The following ZNF407 variants were observed in gnomAD, a reference collection of about 807,000 sequenced individuals.
The protein encoded by ZNF407 is zinc finger protein 407.
In ZNF407, 17 loss-of-function variants were observed where a neutral mutation model predicts 131.2. The observed-to-expected ratio is 0.13, with a 90% CI of 0.09 to 0.19. The LOEUF (loss-of-function observed/expected upper bound fraction) is 0.19. Ranked by LOEUF, ZNF407 falls within the 10% of genes least tolerant of loss-of-function variation. The probability of loss-of-function intolerance (pLI) is 1.00; values close to 1 mark genes in which losing one functional copy is unlikely to be tolerated. For synonymous variants in ZNF407, 1,156 were observed against 1,062.0 expected (o/e 1.09, Z -1.72); for missense variants, 2,681 against 2,830.6 (o/e 0.95, Z 1.20).
Position 74,633,973 on chromosome 18 carries a change from T to A in ZNF407, c.2954T>A (p.Leu985His). 1 of 1,614,062 alleles carries A rather than the reference T, an allele frequency of 6.2e-7. No individual in the cohort carries two copies. Among genetic ancestry groups the A allele is most frequent in the Non-Finnish European group, 8.5e-7 (1 of 1,179,906 alleles). Residue 985 changes from leucine to histidine, a missense_variant, in exon 2 of 9, where the codon CTT becomes CAT. Leu to His is a moderately conservative substitution (Grantham distance 99). Coordinates refer to ENST00000299687, the MANE Select transcript of ZNF407 (RefSeq NM_017757.3). ...HSLDGEVNSH[L>H]LDKKEQISSE... ...CTAGATGGAGAAGTTAACAGCCATC[T>A]TCTTGATAAAAAGGAGCAAATATCT...
At chr18:74,984,263 G>C (rs1972626697) in intron 8 of ZNF407, among the ~76,000 whole-genome samples, 1 of 152,064 alleles carries the variant, frequency 6.6e-6, no homozygotes, top group Non-Finnish European at 1.5e-5. Context: ...GGTGAGTGCT[G>C]CAAATGTTCC....
intron 3 of ZNF407, among the ~76,000 whole-genome samples, chr18:74,676,659 C>T (rs962413428): frequency 2.0e-5 from 3 of 152,018 alleles, no homozygotes; most frequent in Admixed American, 6.5e-5. Context: ...TGGTCTCGAT[C>T]TCCTGACCTC....
chr18:75,039,658 C>T lies in ZNF407; in HGVS notation c.5429-23492C>T, dbSNP rs182467827. On this transcript the variant is annotated intron_variant, in intron 8 of 8. Transcript: ENST00000299687. ...TGTTTTTTTAAATATCTTATGAATACTTGAAAGTTTTGAGTTTTGCAGATT... is the reference window on the plus strand; with the variant it reads ...TGTTTTTTTAAATATCTTATGAATATTTGAAAGTTTTGAGTTTTGCAGATT... Among the ~76,000 whole-genome samples, 9 of 145,110 alleles carry T rather than the reference C, an allele frequency of 6.2e-5. No individual in the cohort carries two copies. The East Asian group carries it at 1.9e-3, about 30-fold the overall frequency.
At chr18:75,035,617 T>C (rs1973299347) in intron 8 of ZNF407, among the ~76,000 whole-genome samples, 1 of 152,216 alleles carries the variant, frequency 6.6e-6, no homozygotes, top group Admixed American at 6.5e-5. Flanking sequence ...GAATAATGTT[T>C]TTAAAGGTGA....
At position 74,857,141 on chromosome 18, in the gene ZNF407, G is replaced by A. The variant is rs1406301094; in HGVS notation, c.4878-20056G>A. 2.0e-5 allele frequency among the ~76,000 whole-genome samples: 3 copies of A among 152,164 alleles called. No individual in the cohort carries two copies. In the East Asian group the frequency reaches 5.8e-4, roughly 29 times the overall value. The stretch of plus-strand genomic sequence containing the variant: ...TGTAATAAGAGTATTAAAGACAGAT[G>A]GGCAAGGCCGATTTAAACCAATTAC... On this transcript the variant is annotated intron_variant, in intron 4 of 8. Coordinates refer to ENST00000299687, the MANE Select transcript of ZNF407 (RefSeq NM_017757.3).
chr18:74,739,130 A>G (rs1364605544), intron 3 of ZNF407, among the ~76,000 whole-genome samples: 1 of 151,732 alleles, frequency 6.6e-6, no homozygotes, highest in East Asian at 1.9e-4. Flanking sequence ...TTATCTCCCT[A>G]AAGATGTGGT....
chr18:75,021,265 CT>C (rs1311845493), intron 8 of ZNF407, among the ~76,000 whole-genome samples: 7 of 145,628 alleles, frequency 4.8e-5, no homozygotes, highest in South Asian at 2.2e-4. Context: ...ATTATACATT[CT>C]TTTTAAAAAA....
intron 1 of ZNF407, among the ~76,000 whole-genome samples, chr18:74,627,800 CTCTTTCTCTCTTT>C (rs1983856261): frequency 2.0e-5 from 3 of 148,434 alleles, no homozygotes; most frequent in Non-Finnish European, 4.5e-5. Flanking sequence ...CTCTCTTTCT[CTCTTTCTCTCTTT>C]CTGCCCTGCC....
intron 4 of ZNF407, among the ~76,000 whole-genome samples, chr18:74,782,028 T>C (rs1485773755): frequency 6.6e-6 from 1 of 152,200 alleles, no homozygotes; most frequent in Non-Finnish European, 1.5e-5. Context: ...TTCTTGCTTC[T>C]GTATCATAAT....
intron 8 of ZNF407, among the ~76,000 whole-genome samples, chr18:74,995,094 C>T (rs1972764805): frequency 6.6e-6 from 1 of 152,200 alleles, no homozygotes; most frequent in South Asian, 2.1e-4. Context: ...CCTGAAATGA[C>T]TCACATCCTG....
chr18:74,639,084 T>G (rs1301714882), intron 2 of ZNF407, among the ~76,000 whole-genome samples: 1 of 152,192 alleles, frequency 6.6e-6, no homozygotes, highest in African/African-American at 2.4e-5. Context: ...TTATGTATTG[T>G]CAGCATGCTG....
chr18:74,695,932 G>A (rs1967344301), intron 3 of ZNF407, among the ~76,000 whole-genome samples: 1 of 152,310 alleles, frequency 6.6e-6, no homozygotes, highest in East Asian at 1.9e-4. Flanking sequence ...TAAGTTGATG[G>A]AAAGATGGTC....
intron 4 of ZNF407, among the ~76,000 whole-genome samples, chr18:74,834,828 C>G (rs1453537639): frequency 6.6e-6 from 1 of 152,210 alleles, no homozygotes; most frequent in Non-Finnish European, 1.5e-5. Context: ...GCTGCCTTTA[C>G]ACTGTTAGAT....
chr18:74,677,535 T>C (rs1986443157), intron 3 of ZNF407, among the ~76,000 whole-genome samples: 1 of 152,172 alleles, frequency 6.6e-6, no homozygotes, highest in African/African-American at 2.4e-5. Context: ...ATTTTCTTTT[T>C]TTTTCCCCTC....
intron 4 of ZNF407, among the ~76,000 whole-genome samples, chr18:74,816,643 CA>C (rs1970271129): frequency 6.6e-6 from 1 of 152,168 alleles, no homozygotes; most frequent in Non-Finnish European, 1.5e-5. Flanking sequence ...AATAGTGATA[CA>C]ATTGGATATG....
intron 8 of ZNF407, among the ~76,000 whole-genome samples, chr18:75,037,938 T>C (rs1973328817): frequency 6.6e-6 from 1 of 152,184 alleles, no homozygotes; most frequent in African/African-American, 2.4e-5. Context: ...GATGTCAAAG[T>C]TTTAGTTAAT....
intron 3 of ZNF407, among the ~76,000 whole-genome samples, chr18:74,707,481 T>C (rs1313923705): frequency 6.6e-6 from 1 of 152,202 alleles, no homozygotes; most frequent in Non-Finnish European, 1.5e-5. Context: ...TGGTTGAACA[T>C]GGCAAATCTG....
intron 8 of ZNF407, among the ~76,000 whole-genome samples, chr18:74,950,794 C>T (rs1027116735): frequency 6.6e-6 from 1 of 152,222 alleles, no homozygotes; most frequent in Non-Finnish European, 1.5e-5. Flanking sequence ...ACTCCCAACA[C>T]ACATGCTTCA....
intron 3 of ZNF407, among the ~76,000 whole-genome samples, chr18:74,646,669 G>A (rs1325234657): frequency 6.6e-6 from 1 of 152,164 alleles, no homozygotes; most frequent in Non-Finnish European, 1.5e-5. Flanking sequence ...TTTTAAAACT[G>A]TACAAATGAC....
Sources: allele counts gnomAD v4.1 joint callset (sites outside exome capture counted in the v4.1 genomes callset), GRCh38; gene constraint gnomAD v4.1.1; transcripts MANE v1.5; gene names NCBI Gene and HGNC (gene_info 2026-07-23, HGNC 2026-07-21).